HS3ST2: variants seen among roughly 807,000 people sequenced by gnomAD.
HS3ST2 encodes heparan sulfate-glucosamine 3-sulfotransferase 2.
HS3ST2 carries 17 observed loss-of-function variants against 26.3 expected under a neutral mutation model. That is an observed-to-expected ratio of 0.65 (90% CI 0.44 to 0.97). The LOEUF (loss-of-function observed/expected upper bound fraction) is 0.97, where lower values mean the gene tolerates loss of function less well. Ranked by LOEUF, HS3ST2 falls within the 50% of genes least tolerant of loss-of-function variation. The probability of loss-of-function intolerance (pLI) is 0.00; values close to 1 mark genes in which losing one functional copy is unlikely to be tolerated. For missense variants in HS3ST2, 402 were observed against 501.2 expected, an observed-to-expected ratio of 0.80 and a Z score of 1.89; for synonymous variants, 237 against 219.2, an observed-to-expected ratio of 1.08 and a Z score of -0.72.
In HS3ST2 at chr16:22,814,336, C is replaced by A; in HGVS notation, c.-275C>A. On this transcript the variant is annotated 5_prime_UTR_variant, in exon 1 of 2. Transcript: ENST00000261374. ...CCCGGCGCACGTAAGAGCCTGGGAG[C>A]GCCCGAGCCGCCCGGCTGCCCGGAG... 1 of 369,906 alleles carries A rather than the reference C, an allele frequency of 2.7e-6. No homozygotes were observed. The allele number at this position is 369,906 out of a possible 1,614,324, so 22.9% of individuals were successfully genotyped here.
chr16:22,842,827 T>C (rs992237584), intron 1 of HS3ST2, among the ~76,000 whole-genome samples: 1 of 152,184 alleles, frequency 6.6e-6, no homozygotes, highest in African/African-American at 2.4e-5. Flanking sequence ...GATTTTTCAT[T>C]TGTTTAGAGC....
intron 1 of HS3ST2, among the ~76,000 whole-genome samples, chr16:22,874,509 A>G (rs1239218095): frequency 1.3e-5 from 2 of 152,154 alleles, no homozygotes; most frequent in African/African-American, 4.8e-5. Context: ...CTCCCAATCC[A>G]TGCTTCCATG....
chr16:22,901,002 A>C (rs977608430), intron 1 of HS3ST2, among the ~76,000 whole-genome samples: 3 of 152,168 alleles, frequency 2.0e-5, no homozygotes, highest in Non-Finnish European at 4.4e-5. Flanking sequence ...TGAAAATGAA[A>C]AAGGCTTGAA....
In HS3ST2 at chr16:22,915,175, C is replaced by A. The variant is rs766115483; in HGVS notation, c.717C>A (p.Gly239=). Residue 239 remains glycine (G), a synonymous_variant, in exon 2 of 2, where the codon GGC becomes GGA. Coordinates refer to ENST00000261374, the MANE Select transcript of HS3ST2 (RefSeq NM_006043.2). ...TCTCCTTCCGCAACCGCACCCTGGG[C>A]CTGGTGGACGTGTCATGGAACGCCA... is the stretch of plus-strand genomic sequence containing the variant. ...EGLSFRNRTL[G]LVDVSWNAIR... is the part of the protein sequence containing the mutation. The A allele has an allele frequency of 6.2e-7, 1 of 1,614,138 alleles. No individual in the cohort carries two copies. The highest frequency in any genetic ancestry group is 8.5e-7 in the Non-Finnish European group (1 of 1,180,034).
intron 1 of HS3ST2, among the ~76,000 whole-genome samples, chr16:22,856,386 C>T (rs1428728747): frequency 1.3e-5 from 2 of 152,168 alleles, no homozygotes; most frequent in Non-Finnish European, 1.5e-5. Context: ...TATTCATTTC[C>T]GTGACCTGCA....
chr16:22,914,899 C>T (rs773374538), intron 1 of HS3ST2, 45 bp from the exon 2 acceptor site: 1 of 1,559,472 alleles, frequency 6.4e-7, no homozygotes, highest in Non-Finnish European at 8.6e-7. Context: ...TGAGGCCTGG[C>T]CCCAGGGAAA....
intron 1 of HS3ST2, among the ~76,000 whole-genome samples, chr16:22,901,674 A>G (rs1332689991): frequency 6.6e-6 from 1 of 152,226 alleles, no homozygotes; most frequent in African/African-American, 2.4e-5. Context: ...AGAGCTGTAC[A>G]TGCAGCAGCA....
At chr16:22,839,446 T>C (rs1901320402) in intron 1 of HS3ST2, among the ~76,000 whole-genome samples, 2 of 152,238 alleles carry the variant, frequency 1.3e-5, no homozygotes, top group Middle Eastern at 3.2e-3. Context: ...GAATGGTCTG[T>C]CAATCACACT....
rs71151684 is a variant in HS3ST2 at position 22,832,151 on chromosome 16, C to CTTTTTTTTTTTTT, written c.485+17062_485+17074dup. Among the ~76,000 whole-genome samples, 67 of 115,442 alleles carry CTTTTTTTTTTTTT rather than the reference C, an allele frequency of 5.8e-4. 1 individual carries two copies. The highest frequency in any genetic ancestry group is 2.8e-3 in the East Asian group (11 of 3,866). 75.7% of individuals were successfully genotyped at this position (115,442 alleles called of 152,430 possible). On this transcript the variant is annotated intron_variant, in intron 1 of 1. Transcript: ENST00000261374. ...GCATGTGCTACCATCCCCAGCTGAT[C>CTTTTTTTTTTTTT]TTTTTTTTTTTTTTTTTTAATTTTT...
chr16:22,854,294 A>C (rs531722020), intron 1 of HS3ST2, among the ~76,000 whole-genome samples: 93 of 152,274 alleles, frequency 6.1e-4, no homozygotes, highest in Non-Finnish European at 1.0e-3. Flanking sequence ...GTATTTATAG[A>C]GTTCTTTTCC....
At chr16:22,840,897 T>C (rs1021635138) in intron 1 of HS3ST2, among the ~76,000 whole-genome samples, 36 of 152,120 alleles carry the variant, frequency 2.4e-4, no homozygotes, top group African/African-American at 8.0e-4. Context: ...ATGTGCCATG[T>C]TGGTGTGCTG....
intron 1 of HS3ST2, among the ~76,000 whole-genome samples, chr16:22,831,498 C>T (rs573664176): frequency 4.0e-4 from 61 of 152,202 alleles, no homozygotes; most frequent in South Asian, 1.2e-3. Context: ...TTTTAGGTCT[C>T]CTTCCCTGGA....
At chr16:22,884,676 A>T (rs867853034) in intron 1 of HS3ST2, among the ~76,000 whole-genome samples, 7 of 137,416 alleles carry the variant, frequency 5.1e-5, no homozygotes, top group Admixed American at 3.0e-4. Context: ...ATATATATAT[A>T]TTATATATAT....
intron 1 of HS3ST2, 22 bp from the exon 2 acceptor site, chr16:22,914,922 T>A: frequency 6.3e-7 from 1 of 1,592,392 alleles, no homozygotes; most frequent in Non-Finnish European, 8.5e-7. Context: ...TATTTGATGA[T>A]GTATTCCTTC....
chr16:22,893,322 T>C (rs1377162227), intron 1 of HS3ST2, among the ~76,000 whole-genome samples: 2 of 152,236 alleles, frequency 1.3e-5, no homozygotes, highest in African/African-American at 4.8e-5. Context: ...CTCATATAGC[T>C]ATGCCTACCA....
chr16:22,820,858 A>C (rs1900981226), intron 1 of HS3ST2, among the ~76,000 whole-genome samples: 1 of 152,240 alleles, frequency 6.6e-6, no homozygotes, highest in African/African-American at 2.4e-5. Flanking sequence ...ATACCACTGA[A>C]AGGTTCTAAG....
intron 1 of HS3ST2, among the ~76,000 whole-genome samples, chr16:22,863,458 G>A (rs975413797): frequency 6.6e-6 from 1 of 152,114 alleles, no homozygotes; most frequent in Non-Finnish European, 1.5e-5. Context: ...TTAGATTCAG[G>A]AGGTGCACGT....
Position 22,814,727 on chromosome 16 carries a change from C to T in HS3ST2, c.117C>T (p.Cys39=), listed in dbSNP as rs1900828978. Residue 39 remains cysteine (C), a synonymous_variant, in exon 1 of 2, where the codon TGC becomes TGT. Transcript: ENST00000261374. ...SCTYLCYSFL[C]CCDDLGRSRL... ...CTTACCTGTGTTACAGCTTCCTGTG[C>T]TGCTGCGACGACCTGGGTCGGAGCC... 2 of 1,609,398 alleles carry T rather than the reference C, an allele frequency of 1.2e-6. No individual in the cohort carries two copies. The highest frequency in any genetic ancestry group is 1.7e-6 in the Non-Finnish European group (2 of 1,178,596).
Position 22,838,887 on chromosome 16 carries a change from C to A in HS3ST2, c.485+23792C>A, listed in dbSNP as rs569375925. Among the ~76,000 whole-genome samples, 4 of 152,246 alleles carry A rather than the reference C, an allele frequency of 2.6e-5. No homozygotes were observed. The East Asian group carries it at 7.7e-4, about 29-fold the overall frequency. On this transcript the variant is annotated intron_variant, in intron 1 of 1. Coordinates refer to ENST00000261374, the MANE Select transcript of HS3ST2 (RefSeq NM_006043.2). ...GGCCTGCCTTGGATCTCATTACCTT[C>A]CTTTTTCACCAGTCCAGGCCATTGC...
Sources: gnomAD v4.1 joint callset for allele counts (sites outside exome capture counted in the v4.1 genomes callset) on GRCh38, gnomAD v4.1.1 for gene constraint, MANE v1.5 for transcripts, NCBI Gene and HGNC (gene_info 2026-07-23, HGNC 2026-07-21) for gene names.